The following ALPK3 variants were observed in gnomAD, a reference collection of about 807,000 sequenced individuals.
ALPK3 encodes alpha kinase 3.
In ALPK3, 102 loss-of-function variants were observed where a neutral mutation model predicts 140.0. That is an observed-to-expected ratio of 0.73 (90% confidence interval 0.62 to 0.86). The LOEUF is 0.86. Ranked by LOEUF, ALPK3 falls within the 40% of genes least tolerant of loss-of-function variation. The probability of loss-of-function intolerance (pLI) is 0.00; values close to 1 mark genes in which losing one functional copy is unlikely to be tolerated. For synonymous variants in ALPK3, 938 were observed against 898.5 expected (o/e 1.04, Z -0.79); for missense variants, 2,254 against 2,208.2 (o/e 1.02, Z -0.42).
Position 84,839,094 on chromosome 15 carries a change from A to C in ALPK3, c.419A>C (p.Tyr140Ser). The part of the protein sequence containing the change: ...HQGNRHTLQL[Y>S]RCREEDAAIY... ...GGCAACCGCCACACACTGCAGCTGT[A>C]CAGGTGAGGGAGAAGGGCCTGTTTT... Residue 140 changes from tyrosine (Y) to serine (S), a missense_variant, in exon 4 of 14, where the codon TAC becomes TCC. Around this residue, in one of 3 missense-constraint regions of ALPK3, gnomAD observed 2,088 missense variants for 2,022.9 expected, o/e 1.03. Transcript: ENST00000258888. The C allele has an allele frequency of 2.5e-6, 4 of 1,606,246 alleles. No homozygotes were observed. The highest frequency in any genetic ancestry group is 3.4e-6 in the Non-Finnish European group (4 of 1,176,030).
intron 1 of ALPK3, 130 bp downstream of exon 1, chr15:84,817,725 A>T: frequency 1.7e-6 from 2 of 1,193,278 alleles, no homozygotes; most frequent in Non-Finnish European, 2.2e-6. Context: ...CCCAAGGCCC[A>T]GGGCCTGGGG....
At chr15:84,854,761 T>C (rs1021238026) in intron 5 of ALPK3, among the ~76,000 whole-genome samples, 13 of 152,256 alleles carry the variant, frequency 8.5e-5, no homozygotes, top group African/African-American at 3.1e-4. Context: ...TCCACTTTCG[T>C]GCTGGCTGTG....
intron 3 of ALPK3, among the ~76,000 whole-genome samples, chr15:84,835,342 C>T (rs1963588302): frequency 6.6e-6 from 1 of 152,178 alleles, no homozygotes; most frequent in African/African-American, 2.4e-5. Flanking sequence ...TGCAGCCTCG[C>T]CTCCCCTGCT....
rs961911481 is a variant in ALPK3, at chr15:84,817,376, G to A, written c.-77G>A. 4.1e-6 allele frequency: 5 copies of A among 1,220,206 alleles called. No individual in the cohort carries two copies. The highest frequency in any genetic ancestry group is 5.1e-6 in the Non-Finnish European group (5 of 981,956). 75.6% of individuals were successfully genotyped at this position (1,220,206 alleles called of 1,614,324 possible). A position where few individuals can be genotyped will look rare whatever the true frequency, so the allele number is the denominator to read the frequency against. On this transcript the variant is annotated 5_prime_UTR_variant, in exon 1 of 14. Coordinates refer to ENST00000258888, the MANE Select transcript of ALPK3 (RefSeq NM_020778.5). ...CGGGCGGGAGCGGCGGCGGCGGGCAGGGGCCCGGGGGCCGGGGCCTGGAGG... is the reference window on the plus strand; with the variant it reads ...CGGGCGGGAGCGGCGGCGGCGGGCAAGGGCCCGGGGGCCGGGGCCTGGAGG...
chr15:84,858,467 G>A lies in ALPK3; in HGVS notation c.3729G>A (p.Lys1243=), dbSNP rs1274748974. ...CAGGAGACCTGGGCCCCAGCCCCAA[G>A]GCCGGCGGTCTGGACACAGAGGTGG... ...LAAGDLGPSP[K]AGGLDTEVAL... is the part of the protein sequence containing the mutation. Residue 1243 remains lysine, a synonymous_variant, in exon 6 of 14, where the codon AAG becomes AAA. Coordinates refer to ENST00000258888, the MANE Select transcript of ALPK3 (RefSeq NM_020778.5). 6.4e-7 allele frequency: 1 copy of A among 1,571,324 alleles called. No individual in the cohort carries two copies. Among genetic ancestry groups the A allele is most frequent in the South Asian group, 1.2e-5 (1 of 86,112 alleles).
At position 84,857,957 on chromosome 15, in the gene ALPK3, C is replaced by T; in HGVS notation, c.3219C>T (p.Ala1073=). 6.2e-7 allele frequency: 1 copy of T among 1,609,424 alleles called. No homozygotes were observed. Among genetic ancestry groups the T allele is most frequent in the Non-Finnish European group, 8.5e-7 (1 of 1,178,264 alleles). ...GTCCCAGCTCCCTCACTGTCCCTGC[C>T]ATTGTGGTAGACGAGGAGGACCCTG... The part of the protein sequence containing the change: ...GPGPSSLTVP[A]IVVDEEDPGL... Residue 1073 remains alanine (A), a synonymous_variant, in exon 6 of 14, where the codon GCC becomes GCT. Coordinates refer to ENST00000258888, the MANE Select transcript of ALPK3 (RefSeq NM_020778.5).
At chr15:84,820,976 A>C (rs200307918) in intron 1 of ALPK3, among the ~76,000 whole-genome samples, 1 of 151,706 alleles carries the variant, frequency 6.6e-6, no homozygotes. Flanking sequence ...CTGAATTCCA[A>C]CCCACCTCCA....
intron 1 of ALPK3, among the ~76,000 whole-genome samples, chr15:84,822,530 A>C (rs1189715581): frequency 6.6e-6 from 1 of 152,166 alleles, no homozygotes; most frequent in Non-Finnish European, 1.5e-5. Flanking sequence ...GACCTCTGAC[A>C]TCTCTCAAGG....
chr15:84,827,735 T>G (rs748694616), intron 3 of ALPK3, 130 bp downstream of exon 3: 8 of 1,325,826 alleles, frequency 6.0e-6, no homozygotes, highest in Non-Finnish European at 8.2e-6. Context: ...ATTTACTTTC[T>G]GAGCTTTCTC....
intron 1 of ALPK3, among the ~76,000 whole-genome samples, chr15:84,822,828 T>C (rs191150875): frequency 1.3e-5 from 2 of 152,362 alleles, no homozygotes; most frequent in African/African-American, 4.8e-5. Flanking sequence ...TGGTTTGCCT[T>C]GTGTGGCCTC....
chr15:84,840,356 G>A lies in ALPK3; in HGVS notation c.1077G>A (p.Gly359=), dbSNP rs1316243520. The change falls in exon 5 of 14, where the codon GGG becomes GGA. Residue 359 remains glycine, a synonymous_variant. Coordinates refer to ENST00000258888, the MANE Select transcript of ALPK3 (RefSeq NM_020778.5). ...SDEPDSCGTQ[G]PVGVEQVQTQ... ...AGCCTGACTCCTGTGGGACTCAGGGGCCCGTGGGCGTGGAGCAGGTTCAGA... is the reference window on the plus strand; with the variant it reads ...AGCCTGACTCCTGTGGGACTCAGGGACCCGTGGGCGTGGAGCAGGTTCAGA... The A allele has an allele frequency of 7.4e-6, 12 of 1,613,448 alleles. No homozygotes were observed. The South Asian group carries it at 9.9e-5, about 13-fold the overall frequency.
At chr15:84,820,410 G>A (rs1963408499) in intron 1 of ALPK3, among the ~76,000 whole-genome samples, 1 of 152,170 alleles carries the variant, frequency 6.6e-6, no homozygotes, top group African/African-American at 2.4e-5. Flanking sequence ...CAGGAGGGAT[G>A]GAGGCCCCCA....
intron 3 of ALPK3, among the ~76,000 whole-genome samples, chr15:84,837,733 T>C (rs1963611201): frequency 6.6e-6 from 1 of 152,220 alleles, no homozygotes; most frequent in African/African-American, 2.4e-5. Flanking sequence ...AGGCAAGGAA[T>C]GGAACTAGTA....
At chr15:84,866,360 C>G in intron 12 of ALPK3, among the ~76,000 whole-genome samples, 1 of 152,216 alleles carries the variant, frequency 6.6e-6, no homozygotes, top group Non-Finnish European at 1.5e-5. Flanking sequence ...CTCACCTTTA[C>G]ACTTGAAGAT....
At position 84,873,081 on chromosome 15, in the gene ALPK3, C is replaced by G. The variant is rs372823308; in HGVS notation, c.*4625C>G. The G allele has an allele frequency of 1.3e-5, 2 of 152,162 alleles. No individual in the cohort carries two copies. The highest frequency in any genetic ancestry group is 4.1e-4 in the South Asian group (2 of 4,822). 9.4% of individuals were successfully genotyped at this position (152,162 alleles called of 1,614,324 possible). On this transcript the variant is annotated 3_prime_UTR_variant, in exon 14 of 14. Coordinates refer to ENST00000258888, the MANE Select transcript of ALPK3 (RefSeq NM_020778.5). ...GCCCTATTTTGTTCCTTCTGTCTAT[C>G]TCTGTTGCTGAGATCAGGGAGCCCA...
At chr15:84,835,514 A>G (rs2141553614) in intron 3 of ALPK3, among the ~76,000 whole-genome samples, 1 of 152,264 alleles carries the variant, frequency 6.6e-6, no homozygotes, top group East Asian at 1.9e-4. Flanking sequence ...AGTAATTACC[A>G]CACCACAGTG....
rs1963907116 is a variant in ALPK3 at position 84,859,183 on chromosome 15, G to A, written c.3818-60G>A. The A allele has an allele frequency of 7.5e-6, 12 of 1,603,314 alleles. No homozygotes were observed. In the South Asian group the frequency reaches 1.2e-4, roughly 16 times the overall value. On this transcript the variant is annotated intron_variant, in intron 6 of 13. Coordinates refer to ENST00000258888, the MANE Select transcript of ALPK3 (RefSeq NM_020778.5). ...CCTTTTCCACCAAGGACACCCAGGAGAGCAAGGATATGGCCAGAGGAGAGG... is the reference window on the plus strand; with the variant it reads ...CCTTTTCCACCAAGGACACCCAGGAAAGCAAGGATATGGCCAGAGGAGAGG...
At chr15:84,867,455 G>A (rs1379611033) in intron 13 of ALPK3, 90 bp downstream of exon 13, 4 of 1,506,324 alleles carry the variant, frequency 2.7e-6, no homozygotes, top group Non-Finnish European at 2.8e-6. Flanking sequence ...TCCCTGAGGT[G>A]CTGGGCCTGG....
In ALPK3 at chr15:84,863,654, G is replaced by T. The variant is rs762202079; in HGVS notation, c.4499+14G>T. 1.9e-6 allele frequency: 3 copies of T among 1,612,478 alleles called. No individual in the cohort carries two copies. The highest frequency in any genetic ancestry group is 2.2e-5 in the South Asian group (2 of 90,900). On this transcript the variant is annotated intron_variant, in intron 11 of 13. Transcript: ENST00000258888. Reference sequence around the variant, plus strand: ...GGAGGTGCCTGAGTAAGTACGCAGCGAGGAGGACGTGCAGTGTGCAGCACT... The same window carrying T: ...GGAGGTGCCTGAGTAAGTACGCAGCTAGGAGGACGTGCAGTGTGCAGCACT...
Sources: allele counts gnomAD v4.1 joint callset (sites outside exome capture counted in the v4.1 genomes callset), GRCh38; gene constraint gnomAD v4.1.1; regional missense constraint gnomAD v4.1.1; transcripts MANE v1.5; gene names NCBI Gene and HGNC (gene_info 2026-07-23, HGNC 2026-07-21).